The following PRKG1 variants were observed in gnomAD, a reference collection of about 807,000 sequenced individuals.
PRKG1 encodes cGMP-dependent protein kinase 1.
A neutral mutation model predicts 88.1 loss-of-function variants in PRKG1; 35 were observed. The observed-to-expected ratio is 0.40, with a 90% CI of 0.30 to 0.53. The LOEUF (loss-of-function observed/expected upper bound fraction) is 0.53. PRKG1 is among the 20% of genes least tolerant of loss of function. PRKG1 has a pLI of 0.59. For synonymous variants in PRKG1, 303 were observed against 292.5 expected (o/e 1.04, Z -0.37); for missense variants, 540 against 839.8 (o/e 0.64, Z 4.41).
chr10:51,202,549 A>AC (rs200565171), intron 2 of PRKG1, among the ~76,000 whole-genome samples: 3,085 of 152,310 alleles, frequency 0.02, 44 homozygotes, highest in Middle Eastern at 0.051. Context: ...CACACACACA[A>AC]AAAAAGACAT....
intron 17 of PRKG1, among the ~76,000 whole-genome samples, chr10:52,293,370 C>A (rs928682720): frequency 2.0e-5 from 3 of 151,528 alleles, no homozygotes; most frequent in Admixed American, 6.6e-5. Flanking sequence ...CCATCCCCAT[C>A]AAGCTACCAA....
chr10:51,071,088 A>G (rs117425027), upstream of PRKG1, among the ~76,000 whole-genome samples: 2,670 of 152,300 alleles, frequency 0.018, 34 homozygotes, highest in Non-Finnish European at 0.027. Context: ...TGATCTTGTA[A>G]TTTAGCCAAT....
chr10:51,981,311 C>T (rs148205000), intron 5 of PRKG1, among the ~76,000 whole-genome samples: 199 of 152,198 alleles, frequency 1.3e-3, no homozygotes, highest in African/African-American at 4.4e-3. Flanking sequence ...AATGGCTAGG[C>T]GTGGTGGCTC....
In PRKG1 at chr10:51,946,655, T is replaced by A. The variant is rs552103203; in HGVS notation, c.762+39085T>A. Among the ~76,000 whole-genome samples, 8 of 152,246 alleles carry A rather than the reference T, an allele frequency of 5.3e-5. No homozygotes were observed. In the South Asian group the frequency reaches 1.7e-3, roughly 31 times the overall value. On this transcript the variant is annotated intron_variant, in intron 5 of 17. Coordinates refer to ENST00000373980, the MANE Select transcript of PRKG1 (RefSeq NM_006258.4). The stretch of plus-strand genomic sequence containing the variant: ...GGGTTTTTGGTGCAGATGTCCTTTC[T>A]GTTTGTTAGTTTTCCTCCTAAGAGA...
intron 5 of PRKG1, among the ~76,000 whole-genome samples, chr10:51,957,123 T>C (rs1843326018): frequency 9.5e-6 from 1 of 105,040 alleles, no homozygotes; most frequent in Non-Finnish European, 1.8e-5. Flanking sequence ...CTTTCTTTCC[T>C]GCTTTCTTTC....
intron 1 of PRKG1, among the ~76,000 whole-genome samples, chr10:51,007,181 G>A (rs766947215): frequency 3.3e-5 from 5 of 151,840 alleles, no homozygotes; most frequent in African/African-American, 4.8e-5. Flanking sequence ...TCCTGACCTC[G>A]TGATCCACCC....
intron 5 of PRKG1, among the ~76,000 whole-genome samples, chr10:51,973,864 G>A (rs1843766442): frequency 6.6e-6 from 1 of 152,058 alleles, no homozygotes; most frequent in Admixed American, 6.6e-5. Flanking sequence ...AATACATCAT[G>A]CTGCCTGGTT....
At chr10:51,989,477 A>AT (rs1564741460) in intron 5 of PRKG1, among the ~76,000 whole-genome samples, 1 of 152,090 alleles carries the variant, frequency 6.6e-6, no homozygotes, top group Non-Finnish European at 1.5e-5. Flanking sequence ...TGAGTCCAGT[A>AT]TAGAGACAGT....
intron 4 of PRKG1, among the ~76,000 whole-genome samples, chr10:51,814,424 C>G (rs1266947964): frequency 6.9e-6 from 1 of 145,326 alleles, no homozygotes; most frequent in Non-Finnish European, 1.5e-5. Flanking sequence ...AATTTGGGGG[C>G]TGTTAGAACT....
intron 2 of PRKG1, among the ~76,000 whole-genome samples, chr10:51,292,807 T>C (rs1840618716): frequency 6.6e-6 from 1 of 152,214 alleles, no homozygotes. Flanking sequence ...TTAGCACCTA[T>C]ACTATTCTAT....
intron 1 of PRKG1, among the ~76,000 whole-genome samples, chr10:51,118,709 A>T (rs1845192717): frequency 6.6e-6 from 1 of 152,130 alleles, no homozygotes; most frequent in African/African-American, 2.4e-5. Context: ...CACAGTTCTG[A>T]TTCCTACGTC....
At chr10:52,172,722 T>C (rs1287549821) in intron 9 of PRKG1, among the ~76,000 whole-genome samples, 2 of 152,220 alleles carry the variant, frequency 1.3e-5, no homozygotes, top group Non-Finnish European at 2.9e-5. Context: ...CAAGTAAGGT[T>C]GAGCAACTCT....
intron 4 of PRKG1, among the ~76,000 whole-genome samples, chr10:51,809,862 C>T (rs564977310): frequency 3.9e-5 from 6 of 152,240 alleles, no homozygotes; most frequent in Non-Finnish European, 5.9e-5. Context: ...CTGCCTGCCC[C>T]GACACTCTTC....
intron 3 of PRKG1, among the ~76,000 whole-genome samples, chr10:51,776,490 A>G (rs2132554574): frequency 6.6e-6 from 1 of 152,288 alleles, no homozygotes; most frequent in South Asian, 2.1e-4. Flanking sequence ...ATATTAAATG[A>G]CAAAGCAAGT....
chr10:51,229,715 GC>G (rs1175576393), intron 2 of PRKG1, among the ~76,000 whole-genome samples: 1 of 152,002 alleles, frequency 6.6e-6, no homozygotes. Context: ...GATGGTTTGA[GC>G]CCAGGAGTTC....
intron 4 of PRKG1, among the ~76,000 whole-genome samples, chr10:51,850,109 A>C (rs918693513): frequency 2.0e-5 from 3 of 152,264 alleles, no homozygotes; most frequent in African/African-American, 7.2e-5. Context: ...TTGTTTTATA[A>C]TCTTGAAGCC....
chr10:51,041,721 C>T (rs939428685), intron 1 of PRKG1, among the ~76,000 whole-genome samples: 1 of 152,142 alleles, frequency 6.6e-6, no homozygotes, highest in Non-Finnish European at 1.5e-5. Context: ...CTCTTTACAT[C>T]AAAGAAATAT....
intron 5 of PRKG1, among the ~76,000 whole-genome samples, chr10:51,926,750 G>GTTTTTT (rs11324214): frequency 0.044 from 6,215 of 141,114 alleles, 226 homozygotes; most frequent in African/African-American, 0.087. Context: ...GCCTAGCATA[G>GTTTTTT]TTTTTTTTTT....
intron 2 of PRKG1, among the ~76,000 whole-genome samples, chr10:51,298,534 G>A (rs1013335908): frequency 6.6e-6 from 1 of 152,184 alleles, no homozygotes; most frequent in Non-Finnish European, 1.5e-5. Context: ...CATTATAAAT[G>A]TTAGCTATTA....
Sources: gnomAD v4.1 joint callset for allele counts (sites outside exome capture counted in the v4.1 genomes callset) on GRCh38, gnomAD v4.1.1 for gene constraint, MANE v1.5 for transcripts, NCBI Gene and HGNC (gene_info 2026-07-23, HGNC 2026-07-21) for gene names.